CYTH3: variants seen among roughly 807,000 people sequenced by gnomAD.
CYTH3 encodes cytohesin-3.
A neutral mutation model predicts 55.1 loss-of-function variants in CYTH3; 23 were observed. The observed-to-expected ratio is 0.42, with a 90% CI of 0.30 to 0.59. The LOEUF is 0.59. Among genes scored for constraint, CYTH3 ranks in the 20% least tolerant of loss-of-function variants. The pLI, the probability that CYTH3 is intolerant of heterozygous loss-of-function variation, is 0.20. For synonymous variants in CYTH3, 249 were observed against 194.9 expected, an observed-to-expected ratio of 1.28 and a Z score of -2.31; for missense variants, 413 against 524.8, an observed-to-expected ratio of 0.79 and a Z score of 2.08.
At chr7:6,180,684 C>G (rs1384700667) in intron 4 of CYTH3, among the ~76,000 whole-genome samples, 1 of 152,188 alleles carries the variant, frequency 6.6e-6, no homozygotes, top group Admixed American at 6.5e-5. Flanking sequence ...GGTAAATACT[C>G]ATAAAAGAAA....
rs193080745 is a variant in CYTH3, at chr7:6,261,955, C to T, written c.34+10519G>A. The stretch of plus-strand genomic sequence containing the variant: ...ATCAGACACAGACTTTAAAATAACT[C>T]TGATTCATACAATAAAGCAGTTGAC... On this transcript the variant is annotated intron_variant, in intron 1 of 12. Coordinates refer to ENST00000350796, the MANE Select transcript of CYTH3 (RefSeq NM_004227.4). 1.4e-4 allele frequency among the ~76,000 whole-genome samples: 22 copies of T among 152,144 alleles called. No individual in the cohort carries two copies. The East Asian group carries it at 3.5e-3, about 24-fold the overall frequency.
intron 1 of CYTH3, among the ~76,000 whole-genome samples, chr7:6,200,100 G>C (rs1177048192): frequency 6.6e-6 from 1 of 152,092 alleles, no homozygotes; most frequent in South Asian, 2.1e-4. Flanking sequence ...TTGTATCTCA[G>C]AATCAAGGAA....
rs1190028387 is a variant in CYTH3, at chr7:6,169,634, G to A, written c.823+901C>T. Among the ~76,000 whole-genome samples, 1 of 152,156 alleles carries A rather than the reference G, an allele frequency of 6.6e-6. No homozygotes were observed. Among genetic ancestry groups the A allele is most frequent in the African/African-American group, 2.4e-5 (1 of 41,440 alleles). ...CCGCATCTCGCCCGCTTCACTGTGG[G>A]CATAAGGCAACCATCCCCGCCCCGC... On this transcript the variant is annotated intron_variant, in intron 9 of 12. Transcript: ENST00000350796. The surrounding 1 kb of genome is among the most constrained non-coding windows in gnomAD (Gnocchi z 4.1).
At chr7:6,186,922 C>G (rs1783669398) in intron 4 of CYTH3, 128 bp downstream of exon 4, 3 of 913,044 alleles carry the variant, frequency 3.3e-6, no homozygotes, top group Non-Finnish European at 5.2e-6. Context: ...TAAAAATGTG[C>G]CTTCAACTCC....
At position 6,272,604 on chromosome 7, in the gene CYTH3, G is replaced by A. The variant is rs1007581858; in HGVS notation, c.-97C>T. ...GAGGGAGCGCGCAGGCGACCGGGCG[G>A]CTCCTCAGCGCGCGGCCCGGGTCGC... On this transcript the variant is annotated 5_prime_UTR_variant, in exon 1 of 13. Coordinates refer to ENST00000350796, the MANE Select transcript of CYTH3 (RefSeq NM_004227.4). 35 of 949,218 alleles carry A rather than the reference G, an allele frequency of 3.7e-5. No homozygotes were observed. Among genetic ancestry groups the A allele is most frequent in the South Asian group, 1.9e-4 (4 of 20,666 alleles). The allele number at this position is 949,218 out of a possible 1,614,324, so 58.8% of individuals were successfully genotyped here. A position where few individuals can be genotyped will look rare whatever the true frequency, so the allele number is the denominator to read the frequency against.
rs751743408 is a variant in CYTH3, at chr7:6,170,899, C to T, written c.642G>A (p.Thr214=). Residue 214 remains threonine (T), a synonymous_variant, in exon 8 of 13, where the codon ACG becomes ACA. Coordinates refer to ENST00000350796, the MANE Select transcript of CYTH3 (RefSeq NM_004227.4). This position sits in a 1 kb window ranked among gnomAD's most constrained non-coding sequence, Gnocchi z 7.8. ...GGTTCATGGCGATGAACCGTTCTGC[C>T]GTGGGCTTGTCACGCACGTTGTGGT... ...LHNHNVRDKP[T]AERFIAMNRG... is the part of the protein sequence containing the mutation. The T allele has an allele frequency of 1.2e-6, 2 of 1,613,928 alleles. No homozygotes were observed. Among genetic ancestry groups the T allele is most frequent in the Non-Finnish European group, 1.7e-6 (2 of 1,179,920 alleles).
chr7:6,211,172 T>G (rs1784311374), intron 1 of CYTH3, among the ~76,000 whole-genome samples: 1 of 152,180 alleles, frequency 6.6e-6, no homozygotes, highest in Non-Finnish European at 1.5e-5. Context: ...TGTGAACCAC[T>G]CTCCTGAGCA....
chr7:6,167,190 C>T lies in CYTH3; in HGVS notation c.824-1380G>A, dbSNP rs1007377191. On this transcript the variant is annotated intron_variant, in intron 9 of 12. Transcript: ENST00000350796. The surrounding 1 kb of genome is among the most constrained non-coding windows in gnomAD (Gnocchi z 5.5). Reference sequence around the variant, plus strand: ...CGTGTCCCTGTCTCACCGCGGGCTCCATGCTCTCTGCAAGCCCTTGGCCTT... The same window carrying T: ...CGTGTCCCTGTCTCACCGCGGGCTCTATGCTCTCTGCAAGCCCTTGGCCTT... Among the ~76,000 whole-genome samples the T allele has an allele frequency of 1.3e-5, 2 of 152,216 alleles. No homozygotes were observed. The highest frequency in any genetic ancestry group is 4.8e-5 in the African/African-American group (2 of 41,454).
chr7:6,233,546 C>T (rs927616868), intron 1 of CYTH3, among the ~76,000 whole-genome samples: 9 of 151,614 alleles, frequency 5.9e-5, no homozygotes, highest in Non-Finnish European at 1.0e-4. Context: ...GTCCCAGCTA[C>T]TCGAGAGGCT....
At chr7:6,175,545 CTTTTT>C (rs1177188782) in intron 5 of CYTH3, among the ~76,000 whole-genome samples, 1 of 89,002 alleles carries the variant, frequency 1.1e-5, no homozygotes, top group East Asian at 4.2e-4. Flanking sequence ...ACACTTTAGT[CTTTTT>C]TTTTTTTTTT....
chr7:6,179,702 C>CCA (rs1562881415), intron 4 of CYTH3, among the ~76,000 whole-genome samples: 21 of 99,122 alleles, frequency 2.1e-4, no homozygotes, highest in African/African-American at 8.6e-4. Context: ...ACACACACAC[C>CCA]CCACACACAC....
In CYTH3 at chr7:6,256,250, G is replaced by A. The variant is rs185691783; in HGVS notation, c.34+16224C>T. On this transcript the variant is annotated intron_variant, in intron 1 of 12. Coordinates refer to ENST00000350796, the MANE Select transcript of CYTH3 (RefSeq NM_004227.4). The stretch of plus-strand genomic sequence containing the variant: ...GTCCTGAGACTCGAGAACTTCTGCC[G>A]GGATATTCTCTCCAAAGGGAGTCAC... Among the ~76,000 whole-genome samples the A allele has an allele frequency of 1.2e-4, 19 of 152,244 alleles. No homozygotes were observed. The East Asian group carries it at 2.5e-3, about 20-fold the overall frequency.
At chr7:6,201,299 C>T (rs566645273) in intron 1 of CYTH3, among the ~76,000 whole-genome samples, 4 of 152,298 alleles carry the variant, frequency 2.6e-5, no homozygotes, top group Admixed American at 2.6e-4. Flanking sequence ...CGCAGCTAGC[C>T]AGGATGCTGC....
chr7:6,163,249 A>G lies in CYTH3; in HGVS notation c.*1695T>C, dbSNP rs1403538064. 6.6e-6 allele frequency: 1 copy of G among 152,402 alleles called. No homozygotes were observed. The highest frequency in any genetic ancestry group is 1.5e-5 in the Non-Finnish European group (1 of 68,124). 9.4% of individuals were successfully genotyped at this position (152,402 alleles called of 1,614,324 possible). A position where few individuals can be genotyped will look rare whatever the true frequency, so the allele number is the denominator to read the frequency against. Reference sequence around the variant, plus strand: ...GCCTCCACTTCAAGGCAACTCAAAGAACAGTCTCCGCTGCTGAGAAGGAAA... The same window carrying G: ...GCCTCCACTTCAAGGCAACTCAAAGGACAGTCTCCGCTGCTGAGAAGGAAA... On this transcript the variant is annotated 3_prime_UTR_variant, in exon 13 of 13. Transcript: ENST00000350796.
Position 6,272,621 on chromosome 7 carries a change from C to T in CYTH3, c.-114G>A, listed in dbSNP as rs1189816449. 4.9e-5 allele frequency: 38 copies of T among 777,250 alleles called. No homozygotes were observed. The highest frequency in any genetic ancestry group is 5.9e-5 in the Non-Finnish European group (37 of 629,706). The allele number at this position is 777,250 out of a possible 1,614,324, so 48.1% of individuals were successfully genotyped here. ...ACCGGGCGGCTCCTCAGCGCGCGGC[C>T]CGGGTCGCGGCCGGGCCTCCTCCCG... is the stretch of plus-strand genomic sequence containing the variant. On this transcript the variant is annotated 5_prime_UTR_variant, in exon 1 of 13. Coordinates refer to ENST00000350796, the MANE Select transcript of CYTH3 (RefSeq NM_004227.4).
intron 2 of CYTH3, chr7:6,188,797 G>A (rs943311592): frequency 2.0e-5 from 3 of 152,160 alleles, no homozygotes; most frequent in Non-Finnish European, 2.9e-5. Flanking sequence ...TTATCCAGCA[G>A]GCTGATTACT....
chr7:6,226,578 T>C (rs920515205), intron 1 of CYTH3, among the ~76,000 whole-genome samples: 1 of 152,208 alleles, frequency 6.6e-6, no homozygotes, highest in Non-Finnish European at 1.5e-5. Context: ...AGCCACTCCA[T>C]GGCTAATGCC....
intron 9 of CYTH3, among the ~76,000 whole-genome samples, chr7:6,168,531 G>A (rs998836227): frequency 2.0e-5 from 3 of 152,100 alleles, no homozygotes; most frequent in Non-Finnish European, 2.9e-5. Flanking sequence ...CAGACATACA[G>A]GGTGCTGGGA....
intron 1 of CYTH3, among the ~76,000 whole-genome samples, chr7:6,197,709 A>T (rs1783966856): frequency 6.6e-6 from 1 of 152,212 alleles, no homozygotes; most frequent in African/African-American, 2.4e-5. Flanking sequence ...AGAATTGAGC[A>T]AAATTATAAC....
Sources: allele counts gnomAD v4.1 joint callset (sites outside exome capture counted in the v4.1 genomes callset), GRCh38; gene constraint gnomAD v4.1.1; non-coding constraint Gnocchi (gnomAD v3.1); transcripts MANE v1.5; gene names NCBI Gene and HGNC (gene_info 2026-07-23, HGNC 2026-07-21).